VTCN1: variants seen among roughly 807,000 people sequenced by gnomAD.
VTCN1 encodes V-set domain containing T cell activation inhibitor 1, also known as V-set domain-containing T-cell activation inhibitor 1.
In VTCN1, 26 loss-of-function variants were observed where a neutral mutation model predicts 26.5. The observed-to-expected ratio is 0.98, with a 90% CI of 0.72 to 1.36. The LOEUF (loss-of-function observed/expected upper bound fraction) is 1.36. Ranked by LOEUF, VTCN1 falls within the 40% of genes most tolerant of loss-of-function variation. The pLI, the probability that VTCN1 is intolerant of heterozygous loss-of-function variation, is 0.00. For missense variants in VTCN1, 298 were observed against 337.7 expected, an observed-to-expected ratio of 0.88 and a Z score of 0.92; for synonymous variants, 116 against 130.7, an observed-to-expected ratio of 0.89 and a Z score of 0.77.
intron 1 of VTCN1, 129 bp downstream of exon 1, chr1:117,210,695 G>T (rs1649306965): frequency 2.0e-6 from 2 of 983,810 alleles, no homozygotes; most frequent in Non-Finnish European, 3.1e-6. Flanking sequence ...GGCTCCCGCT[G>T]GCCCAATGCT....
intron 1 of VTCN1, among the ~76,000 whole-genome samples, chr1:117,191,280 C>T (rs1648231857): frequency 6.6e-6 from 1 of 152,130 alleles, no homozygotes; most frequent in South Asian, 2.1e-4. Context: ...GACTTTTGGG[C>T]CACCATCAAG....
At chr1:117,160,128 G>A (rs1652290542) in intron 2 of VTCN1, among the ~76,000 whole-genome samples, 1 of 152,308 alleles carries the variant, frequency 6.6e-6, no homozygotes. Context: ...GAGCCCAAGA[G>A]GAGAGTGGAG....
rs369348171 is a variant in VTCN1 at position 117,156,915 on chromosome 1, T to C, written c.104A>G (p.His35Arg). The change falls in exon 3 of 6, where the codon CAC (histidine) becomes CGC (arginine). Residue 35 changes from histidine (H) to arginine (R), a missense_variant. Coordinates refer to ENST00000369458, the MANE Select transcript of VTCN1 (RefSeq NM_024626.4). Reference sequence around the variant, plus strand: ...GGCGACAGTAGTGACTGTGATGGAGTGTCTCCCTGCAGTTCAGGAAGCAAA... The same window carrying C: ...GGCGACAGTAGTGACTGTGATGGAGCGTCTCCCTGCAGTTCAGGAAGCAAA... ...LIIGFGISGR[H>R]SITVTTVASA... The C allele has an allele frequency of 9.9e-6, 16 of 1,613,810 alleles. No homozygotes were observed. The African/African-American group carries it at 2.1e-4, about 22-fold the overall frequency.
chr1:117,154,173 G>A (rs939104079), intron 3 of VTCN1, among the ~76,000 whole-genome samples: 2 of 152,112 alleles, frequency 1.3e-5, no homozygotes, highest in African/African-American at 4.8e-5. Flanking sequence ...TCTCTAGCAG[G>A]GGAGACAAGA....
chr1:117,202,508 G>A (rs1195870648), intron 1 of VTCN1, among the ~76,000 whole-genome samples: 1 of 152,230 alleles, frequency 6.6e-6, no homozygotes, highest in African/African-American at 2.4e-5. Flanking sequence ...ACTCAGCAAT[G>A]TGGAGGTGAT....
chr1:117,167,071 C>T lies in VTCN1; in HGVS notation c.97+3036G>A, dbSNP rs142767676. On this transcript the variant is annotated intron_variant, in intron 2 of 5. Transcript: ENST00000369458. The surrounding 1 kb of genome is among the most constrained non-coding windows in gnomAD (Gnocchi z 4.1). ...TTATGCCACTGTACTCCAGCCTGAG[C>T]GACAGAGCAAGACTGTCTCAAAAAA... Among the ~76,000 whole-genome samples the T allele has an allele frequency of 0.023, 3,279 of 143,192 alleles. 123 individuals carry two copies. The highest frequency in any genetic ancestry group is 0.084 in the African/African-American group (3,109 of 37,032). 93.9% of individuals were successfully genotyped at this position (143,192 alleles called of 152,430 possible).
chr1:117,199,431 T>G (rs1309652298), intron 1 of VTCN1, among the ~76,000 whole-genome samples: 1 of 152,166 alleles, frequency 6.6e-6, no homozygotes, highest in Non-Finnish European at 1.5e-5. Flanking sequence ...GCTCAAGCAA[T>G]TCTCCTGCCT....
At chr1:117,205,983 C>T (rs1007103037) in intron 1 of VTCN1, among the ~76,000 whole-genome samples, 5 of 152,124 alleles carry the variant, frequency 3.3e-5, no homozygotes, top group African/African-American at 1.2e-4. Flanking sequence ...CTCCCAGATG[C>T]ATCTCACCCA....
intron 1 of VTCN1, among the ~76,000 whole-genome samples, chr1:117,190,140 C>CT (rs1275259507): frequency 6.6e-6 from 1 of 152,236 alleles, no homozygotes. Context: ...TGACCCAGTG[C>CT]TAGTCCCTCT....
chr1:117,179,375 A>G (rs1346957331), intron 1 of VTCN1, among the ~76,000 whole-genome samples: 1 of 152,148 alleles, frequency 6.6e-6, no homozygotes, highest in Non-Finnish European at 1.5e-5. Flanking sequence ...AAAATAGTTG[A>G]GGGAACTAGG....
intron 1 of VTCN1, 127 bp from the exon 2 acceptor site, chr1:117,170,298 C>T (rs754035871): frequency 3.3e-6 from 3 of 910,084 alleles, no homozygotes; most frequent in Non-Finnish European, 5.4e-6. Flanking sequence ...TTTTCTTCCA[C>T]ATAAGCTTGT....
rs1651419523 is a variant in VTCN1, at chr1:117,144,594, GTTTA to G, written c.*673_*676del. The G allele has an allele frequency of 6.6e-6, 1 of 152,246 alleles. No individual in the cohort carries two copies. Among genetic ancestry groups the G allele is most frequent in the Non-Finnish European group, 1.5e-5 (1 of 68,042 alleles). The allele number at this position is 152,246 out of a possible 1,614,324, so 9.4% of individuals were successfully genotyped here. On this transcript the variant is annotated 3_prime_UTR_variant, in exon 6 of 6. Coordinates refer to ENST00000369458, the MANE Select transcript of VTCN1 (RefSeq NM_024626.4). The stretch of plus-strand genomic sequence containing the variant: ...TGTTTGTTTAAAAAGAAGGTGCTCA[GTTTA>G]TTTATAAAATCGGTGTCGCCGACTG...
Position 117,156,905 on chromosome 1 carries a change from TG to T in VTCN1, c.113del (p.Thr38LysfsTer17). ...GFGISGRHSI[T>X]VTTVASAGNI... The stretch of plus-strand genomic sequence containing the variant: ...TCCCAGCTGAGGCGACAGTAGTGAC[TG>T]TGATGGAGTGTCTCCCTGCAGTTCA... On this transcript the variant is annotated frameshift_variant, in exon 3 of 6. Transcript: ENST00000369458. LOFTEE classifies it high-confidence loss of function. The T allele has an allele frequency of 6.2e-7, 1 of 1,614,090 alleles. No homozygotes were observed. Among genetic ancestry groups the T allele is most frequent in the Non-Finnish European group, 8.5e-7 (1 of 1,180,014 alleles).
At chr1:117,150,681 T>G (rs1651741917) in intron 4 of VTCN1, among the ~76,000 whole-genome samples, 1 of 152,244 alleles carries the variant, frequency 6.6e-6, no homozygotes, top group East Asian at 1.9e-4. Flanking sequence ...TTCAGTAGTG[T>G]TAAGTATATC....
chr1:117,192,986 A>ATATT (rs1648318658), intron 1 of VTCN1, among the ~76,000 whole-genome samples: 1 of 152,152 alleles, frequency 6.6e-6, no homozygotes, highest in East Asian at 1.9e-4. Context: ...GAAGAAAACA[A>ATATT]AATAACAACA....
chr1:117,164,772 G>T (rs1000015727), intron 2 of VTCN1, among the ~76,000 whole-genome samples: 1 of 152,194 alleles, frequency 6.6e-6, no homozygotes. Context: ...GATAGCGCAG[G>T]GACTGGGCTG....
chr1:117,150,679 T>C (rs139230393), intron 4 of VTCN1, among the ~76,000 whole-genome samples: 1,557 of 152,346 alleles, frequency 0.01, 31 homozygotes, highest in South Asian at 0.072. Flanking sequence ...AGTTCAGTAG[T>C]GTTAAGTATA....
chr1:117,153,027 T>G (rs1651873749), intron 4 of VTCN1, 64 bp downstream of exon 4: 6 of 1,539,340 alleles, frequency 3.9e-6, no homozygotes, highest in Non-Finnish European at 3.5e-6. Flanking sequence ...TTAATGAAGT[T>G]AAATTTTAAT....
At chr1:117,170,897 G>A (rs377319035) in intron 1 of VTCN1, among the ~76,000 whole-genome samples, 3 of 152,026 alleles carry the variant, frequency 2.0e-5, no homozygotes, top group East Asian at 3.9e-4. Flanking sequence ...GTGCAGGTTC[G>A]TTACATAGGT....
Sources: gnomAD v4.1 joint callset for allele counts (sites outside exome capture counted in the v4.1 genomes callset) on GRCh38, gnomAD v4.1.1 for gene constraint, Gnocchi (gnomAD v3.1) non-coding constraint, MANE v1.5 for transcripts, NCBI Gene and HGNC (gene_info 2026-07-23, HGNC 2026-07-21) for gene names.